MTR: variants seen among roughly 807,000 people sequenced by gnomAD.
MTR encodes the protein methionine synthase.
A neutral mutation model predicts 154.8 loss-of-function variants in MTR; 84 were observed. The ratio of observed to expected loss-of-function variants is 0.54; its 90% CI spans 0.45 to 0.65. The LOEUF (loss-of-function observed/expected upper bound fraction) is 0.65, where lower values mean the gene tolerates loss of function less well. MTR is among the 30% of genes least tolerant of loss of function. The probability of loss-of-function intolerance (pLI) is 0.00; values close to 1 mark genes in which losing one functional copy is unlikely to be tolerated. For synonymous variants in MTR, 554 were observed against 553.9 expected, an observed-to-expected ratio of 1.00 and a Z score of 0.00; for missense variants, 1,275 against 1,570.2, an observed-to-expected ratio of 0.81 and a Z score of 3.18.
chr1:236,880,984 T>G, intron 25 of MTR, 148 bp downstream of exon 25: 1 of 814,388 alleles, frequency 1.2e-6, no homozygotes, highest in Non-Finnish European at 2.1e-6. Context: ...GCCTCTGCAG[T>G]GACTGCCTTG....
chr1:236,814,009 G>A (rs925175200), intron 6 of MTR, among the ~76,000 whole-genome samples: 4 of 152,118 alleles, frequency 2.6e-5, no homozygotes, highest in Non-Finnish European at 4.4e-5. Flanking sequence ...CTTTTCCTCC[G>A]TAGTACTTTA....
At position 236,820,211 on chromosome 1, in the gene MTR, A is replaced by G; in HGVS notation, c.764+3668A>G. The G allele has an allele frequency of 1.5e-5, 11 of 758,600 alleles. No homozygotes were observed. In the South Asian group the frequency reaches 1.5e-4, roughly 10 times the overall value. The allele number at this position is 758,600 out of a possible 1,614,324, so 47.0% of individuals were successfully genotyped here. ...ATGCGTGGCACCATTTCCTGTGAAC[A>G]CTTGCGGGAGGTCATGCCTGATCTC... On this transcript the variant is annotated intron_variant, in intron 8 of 32. Coordinates refer to ENST00000366577, the MANE Select transcript of MTR (RefSeq NM_000254.3).
At chr1:236,826,165 A>G (rs1338374382) in intron 10 of MTR, among the ~76,000 whole-genome samples, 1 of 152,178 alleles carries the variant, frequency 6.6e-6, no homozygotes. Context: ...ACATTTTTTC[A>G]ATTAATGTAA....
At position 236,902,146 on chromosome 1, in the gene MTR, C is replaced by G. The variant is rs1488686813; in HGVS notation, c.*4502C>G. On this transcript the variant is annotated 3_prime_UTR_variant, in exon 33 of 33. Transcript: ENST00000366577. ...CGTGACCTAGGATATATCCCAGCCC[C>G]TTAGAGGCATGCAAAGCCTTCCATG... The G allele has an allele frequency of 6.6e-6, 1 of 152,312 alleles. No individual in the cohort carries two copies. Among genetic ancestry groups the G allele is most frequent in the Non-Finnish European group, 1.5e-5 (1 of 68,172 alleles). The allele number at this position is 152,312 out of a possible 1,614,324, so 9.4% of individuals were successfully genotyped here. A position where few individuals can be genotyped will look rare whatever the true frequency, so the allele number is the denominator to read the frequency against.
At chr1:236,799,739 G>T (rs1335576588) in intron 1 of MTR, among the ~76,000 whole-genome samples, 1 of 151,270 alleles carries the variant, frequency 6.6e-6, no homozygotes, top group Non-Finnish European at 1.5e-5. Context: ...TTTGTCTATG[G>T]TGACTTTCGT....
intron 26 of MTR, among the ~76,000 whole-genome samples, chr1:236,886,075 G>A (rs1389741076): frequency 1.3e-5 from 2 of 152,024 alleles, no homozygotes; most frequent in Admixed American, 1.3e-4. Context: ...TATATCAGCA[G>A]TTAATGGATG....
intron 1 of MTR, chr1:236,800,221 TGATA>T: frequency 1.0e-6 from 1 of 985,464 alleles, no homozygotes; most frequent in Non-Finnish European, 1.2e-6. Flanking sequence ...GGATATTGAT[TGATA>T]TTGATTAATC....
intron 16 of MTR, among the ~76,000 whole-genome samples, chr1:236,851,888 A>T (rs547831278): frequency 1.3e-5 from 2 of 152,234 alleles, no homozygotes; most frequent in African/African-American, 4.8e-5. Context: ...TTGTTGATGG[A>T]CATCTAGTTT....
At position 236,900,850 on chromosome 1, in the gene MTR, C is replaced by T. The variant is rs1437346228; in HGVS notation, c.*3206C>T. On this transcript the variant is annotated 3_prime_UTR_variant, in exon 33 of 33. Transcript: ENST00000366577. ...TTGGGGAATGAGTGGATGGCTGGAC[C>T]ATTTGCTAAGACAGAGGCCAGGGGA... is the stretch of plus-strand genomic sequence containing the variant. 1 of 152,716 alleles carries T rather than the reference C, an allele frequency of 6.5e-6. No homozygotes were observed. Among genetic ancestry groups the T allele is most frequent in the Non-Finnish European group, 1.5e-5 (1 of 68,162 alleles). 9.5% of individuals were successfully genotyped at this position (152,716 alleles called of 1,614,324 possible). A position where few individuals can be genotyped will look rare whatever the true frequency, so the allele number is the denominator to read the frequency against.
At chr1:236,799,169 C>G (rs111256694) in intron 1 of MTR, among the ~76,000 whole-genome samples, 25 of 151,976 alleles carry the variant, frequency 1.6e-4, no homozygotes, top group African/African-American at 5.8e-4. Flanking sequence ...GTTGCCCAAG[C>G]TGAGGGCAGT....
chr1:236,903,404 G>A lies in MTR; in HGVS notation c.*5760G>A, dbSNP rs1667005010. 1 of 152,092 alleles carries A rather than the reference G, an allele frequency of 6.6e-6. No individual in the cohort carries two copies. Among genetic ancestry groups the A allele is most frequent in the Non-Finnish European group, 1.5e-5 (1 of 68,014 alleles). The allele number at this position is 152,092 out of a possible 1,614,324, so 9.4% of individuals were successfully genotyped here. A position where few individuals can be genotyped will look rare whatever the true frequency, so the allele number is the denominator to read the frequency against. The stretch of plus-strand genomic sequence containing the variant: ...AACCCCTAAACTCAGCCAGTCCCAT[G>A]TTTTTTTAACACTTGGAATATCTAA... On this transcript the variant is annotated 3_prime_UTR_variant, in exon 33 of 33. Coordinates refer to ENST00000366577, the MANE Select transcript of MTR (RefSeq NM_000254.3).
At chr1:236,866,190 T>C (rs1240932885) in intron 22 of MTR, among the ~76,000 whole-genome samples, 1 of 152,216 alleles carries the variant, frequency 6.6e-6, no homozygotes, top group Admixed American at 6.5e-5. Flanking sequence ...AGAACATGTG[T>C]CTTGATGGCA....
At chr1:236,883,400 G>T (rs1055463318) in intron 25 of MTR, among the ~76,000 whole-genome samples, 1 of 152,124 alleles carries the variant, frequency 6.6e-6, no homozygotes, top group African/African-American at 2.4e-5. Flanking sequence ...GGCTGTGCAA[G>T]GTGCCAGCAA....
chr1:236,841,089 G>A (rs1024525473), intron 15 of MTR, among the ~76,000 whole-genome samples: 6 of 152,070 alleles, frequency 3.9e-5, no homozygotes, highest in African/African-American at 7.2e-5. Flanking sequence ...AGGCACCCAC[G>A]TTCAGCTTTT....
intron 2 of MTR, among the ~76,000 whole-genome samples, chr1:236,805,099 T>TCA (rs1558272301): frequency 4.6e-5 from 7 of 152,184 alleles, no homozygotes; most frequent in Non-Finnish European, 1.0e-4. Flanking sequence ...ATCTTGGTTT[T>TCA]TATCTCCCAG....
chr1:236,839,405 A>G (rs1433846012), intron 15 of MTR, among the ~76,000 whole-genome samples: 1 of 152,138 alleles, frequency 6.6e-6, no homozygotes, highest in African/African-American at 2.4e-5. Flanking sequence ...CAAATAGCCA[A>G]TAAACTTATG....
intron 16 of MTR, 140 bp downstream of exon 16, chr1:236,850,663 A>T (rs988197044): frequency 2.4e-6 from 2 of 836,014 alleles, no homozygotes; most frequent in Non-Finnish European, 3.8e-6. Flanking sequence ...TCTGAAATGT[A>T]GGAGACCTTA....
Position 236,852,654 on chromosome 1 carries a change from C to A in MTR, c.1812+17C>A. On this transcript the variant is annotated intron_variant, in intron 17 of 32. Coordinates refer to ENST00000366577, the MANE Select transcript of MTR (RefSeq NM_000254.3). ...GCAATCAAGGTATGGTAGAAGAACTCTTAGCCCTGCGGAAACCAGTTTTTA... is the reference window on the plus strand; with the variant it reads ...GCAATCAAGGTATGGTAGAAGAACTATTAGCCCTGCGGAAACCAGTTTTTA... The A allele has an allele frequency of 6.2e-7, 1 of 1,606,482 alleles. No individual in the cohort carries two copies. Among genetic ancestry groups the A allele is most frequent in the Non-Finnish European group, 8.5e-7 (1 of 1,173,158 alleles).
chr1:236,824,002 T>C (rs1662135998), intron 8 of MTR, 117 bp from the exon 9 acceptor site: 1 of 862,064 alleles, frequency 1.2e-6, no homozygotes, highest in Non-Finnish European at 1.9e-6. Flanking sequence ...TAAAAGTGCT[T>C]TGAATGAGGA....
Sources: allele counts gnomAD v4.1 joint callset (sites outside exome capture counted in the v4.1 genomes callset), GRCh38; gene constraint gnomAD v4.1.1; transcripts MANE v1.5; gene names NCBI Gene and HGNC (gene_info 2026-07-23, HGNC 2026-07-21).